Variants in PDE4D observed in about 807,000 individuals in gnomAD.
PDE4D encodes phosphodiesterase 4D, also known as 3',5'-cyclic-AMP phosphodiesterase 4D.
A neutral mutation model predicts 87.4 loss-of-function variants in PDE4D; 24 were observed. The observed-to-expected ratio is 0.27, with a 90% CI of 0.20 to 0.39. The LOEUF is 0.39. Among genes scored for constraint, PDE4D ranks in the 10% least tolerant of loss-of-function variants. PDE4D has a pLI of 1.00. For missense variants in PDE4D, 714 were observed against 1,041.0 expected (o/e 0.69, Z 4.32); for synonymous variants, 384 against 383.2 (o/e 1.00, Z -0.02).
intron 1 of PDE4D, chr5:59,587,721 C>T: frequency 3.9e-6 from 2 of 514,170 alleles, no homozygotes; most frequent in Non-Finnish European, 2.5e-6. Context: ...ATTGCAGAGC[C>T]GCGCACTCCT....
At position 59,329,153 on chromosome 5, in the gene PDE4D, C is replaced by T. The variant is rs190756108; in HGVS notation, c.456-113185G>A. ...TTCCTCCAGGATTTTCCCATAGGCT[C>T]CACCCAGTTGCTTCATTCCATTGAT... is the stretch of plus-strand genomic sequence containing the variant. On this transcript the variant is annotated intron_variant, in intron 1 of 14. Transcript: ENST00000340635. Among the ~76,000 whole-genome samples, 455 of 152,266 alleles carry T rather than the reference C, an allele frequency of 3.0e-3. 4 individuals carry two copies. The highest frequency in any genetic ancestry group is 0.011 in the African/African-American group (438 of 41,554).
At chr5:59,543,602 G>C (rs1816745259) in intron 1 of PDE4D, among the ~76,000 whole-genome samples, 2 of 152,136 alleles carry the variant, frequency 1.3e-5, no homozygotes, top group Admixed American at 6.5e-5. Context: ...GGTTCATTCA[G>C]AAAAGATTAA....
At chr5:60,306,800 C>T (rs527439810) in intron 1 of PDE4D, among the ~76,000 whole-genome samples, 3 of 151,714 alleles carry the variant, frequency 2.0e-5, no homozygotes, top group Admixed American at 6.6e-5. Flanking sequence ...AAATCGAAAC[C>T]GGAACATAGG....
At chr5:59,744,279 C>T (rs1399274687) in intron 1 of PDE4D, among the ~76,000 whole-genome samples, 2 of 152,092 alleles carry the variant, frequency 1.3e-5, no homozygotes, top group Non-Finnish European at 1.5e-5. Flanking sequence ...GTACTGTATG[C>T]AAGCAGTATA....
chr5:60,423,969 C>G (rs1743393588), intron 1 of PDE4D, among the ~76,000 whole-genome samples: 2 of 152,126 alleles, frequency 1.3e-5, no homozygotes, highest in Non-Finnish European at 2.9e-5. Context: ...CACATACACC[C>G]TCCCAAGAAT....
intron 1 of PDE4D, among the ~76,000 whole-genome samples, chr5:59,762,893 A>ATATATC (rs70975330): frequency 2.8e-5 from 3 of 105,904 alleles, no homozygotes; most frequent in Non-Finnish European, 4.0e-5. Context: ...ATATATATAT[A>ATATATC]GCTTGCTCTT....
rs548904965 is a variant in PDE4D, at chr5:59,667,759, T to G, written c.455+225409A>C. ...TATAGTCATCAAACTTAGCTCCACATTACCCCTTGCTGAGTCTAACCCACT... is the reference window on the plus strand; with the variant it reads ...TATAGTCATCAAACTTAGCTCCACAGTACCCCTTGCTGAGTCTAACCCACT... On this transcript the variant is annotated intron_variant, in intron 1 of 14. Transcript: ENST00000340635. Among the ~76,000 whole-genome samples, 4 of 152,302 alleles carry G rather than the reference T, an allele frequency of 2.6e-5. No homozygotes were observed. In the East Asian group the frequency reaches 5.8e-4, roughly 22 times the overall value.
intron 1 of PDE4D, among the ~76,000 whole-genome samples, chr5:60,305,365 G>A (rs1754399295): frequency 6.6e-6 from 1 of 152,052 alleles, no homozygotes. Context: ...AAGAAAGACA[G>A]TGGGCTTAAG....
intron 1 of PDE4D, among the ~76,000 whole-genome samples, chr5:59,584,650 TAA>T (rs1824796582): frequency 1.3e-5 from 2 of 152,130 alleles, no homozygotes; most frequent in Non-Finnish European, 2.9e-5. Flanking sequence ...GCAATAAAAA[TAA>T]AAAGTGCTTA....
At chr5:59,201,680 G>A (rs1421220585) in intron 2 of PDE4D, among the ~76,000 whole-genome samples, 1 of 152,082 alleles carries the variant, frequency 6.6e-6, no homozygotes, top group Non-Finnish European at 1.5e-5. Flanking sequence ...AATAAATTAA[G>A]CAGTACATCT....
At position 60,320,962 on chromosome 5, in the gene PDE4D, A is replaced by C. The variant is rs528103480; in HGVS notation, c.-89-135275T>G. ...GTGTAGGAAGAATCAATGTTGTTAA[A>C]ACGGTCATATTGCCCAAAGCAATTT... On this transcript the variant is annotated intron_variant, in intron 1 of 16. Coordinates refer to the PDE4D transcript ENST00000502484. Among the ~76,000 whole-genome samples, 6 of 152,340 alleles carry C rather than the reference A, an allele frequency of 3.9e-5. No homozygotes were observed. The South Asian group carries it at 1.2e-3, about 32-fold the overall frequency.
chr5:60,093,114 G>A (rs1444427702), intron 2 of PDE4D, among the ~76,000 whole-genome samples: 2 of 152,180 alleles, frequency 1.3e-5, no homozygotes, highest in Admixed American at 6.5e-5. Context: ...GAGAAGGAGA[G>A]GTAGGTATGG....
intron 5 of PDE4D, among the ~76,000 whole-genome samples, chr5:59,078,438 T>G (rs1766084177): frequency 6.6e-6 from 1 of 152,126 alleles, no homozygotes; most frequent in African/African-American, 2.4e-5. Flanking sequence ...TGCTATGGTT[T>G]GAATGTTTGT....
At chr5:59,520,878 TACATATATACACATATATAC>T (rs145616207) in intron 1 of PDE4D, among the ~76,000 whole-genome samples, 1 of 151,634 alleles carries the variant, frequency 6.6e-6, no homozygotes, top group Non-Finnish European at 1.5e-5. Flanking sequence ...CACACACATA[TACATATATACACATATATAC>T]ACATATATAC....
At chr5:59,311,069 G>A (rs1772481304) in intron 1 of PDE4D, among the ~76,000 whole-genome samples, 1 of 152,116 alleles carries the variant, frequency 6.6e-6, no homozygotes, top group African/African-American at 2.4e-5. Flanking sequence ...GAGGCCACAG[G>A]TGCAGGACAG....
intron 6 of PDE4D, among the ~76,000 whole-genome samples, chr5:59,022,256 T>A (rs531833364): frequency 2.0e-5 from 3 of 152,222 alleles, no homozygotes; most frequent in Admixed American, 2.0e-4. Context: ...AACCCTGCGG[T>A]GGAAAGGGGC....
intron 1 of PDE4D, among the ~76,000 whole-genome samples, chr5:60,273,895 G>T (rs1751075298): frequency 6.6e-6 from 1 of 152,270 alleles, no homozygotes; most frequent in Non-Finnish European, 1.5e-5. Context: ...GAGAGATCTG[G>T]CCTGGCCACG....
chr5:59,166,811 T>C (rs1249141029), intron 5 of PDE4D, among the ~76,000 whole-genome samples: 2 of 152,238 alleles, frequency 1.3e-5, no homozygotes, highest in Non-Finnish European at 2.9e-5. Flanking sequence ...CCAGTGAGAT[T>C]GCTTATTGCT....
At chr5:60,473,129 AAGG>A (rs1199757190) in intron 1 of PDE4D, among the ~76,000 whole-genome samples, 2,657 of 62,018 alleles carry the variant, frequency 0.043, 54 homozygotes, top group African/African-American at 0.1. Flanking sequence ...GAAAGAAAGG[AAGG>A]AAGGAAGGAA....
Sources: allele counts gnomAD v4.1 joint callset (sites outside exome capture counted in the v4.1 genomes callset), GRCh38; gene constraint gnomAD v4.1.1; transcripts MANE v1.5; gene names NCBI Gene and HGNC (gene_info 2026-07-23, HGNC 2026-07-21).